The following CR2 variants were observed in gnomAD, a reference collection of about 807,000 sequenced individuals.
The protein encoded by CR2 is complement C3d receptor 2.
Under a neutral mutation model 123.0 loss-of-function variants are expected in CR2, and 96 were observed. That is an observed-to-expected ratio of 0.78 (90% CI 0.66 to 0.93). The LOEUF (loss-of-function observed/expected upper bound fraction) is 0.93. Ranked by LOEUF, CR2 falls within the 40% of genes least tolerant of loss-of-function variation. The pLI, the probability that CR2 is intolerant of heterozygous loss-of-function variation, is 0.00. For synonymous variants in CR2, 484 were observed against 469.5 expected, an observed-to-expected ratio of 1.03 and a Z score of -0.40; for missense variants, 1,258 against 1,361.0, an observed-to-expected ratio of 0.92 and a Z score of 1.19.
At chr1:207,455,011 T>C (rs1292261880) in intron 1 of CR2, 1 of 153,424 alleles carries the variant, frequency 6.5e-6, no homozygotes, top group Non-Finnish European at 1.5e-5. Context: ...AATGTGATAT[T>C]GGTAGAGATC....
chr1:207,454,516 CG>C lies in CR2; in HGVS notation c.58+43del. ...GGAGCACGGAGGTGGGGACGCGTCC[CG>C]GGCAGGGAAAGTTTCTGTGCCGCGA... On this transcript the variant is annotated intron_variant, in intron 1 of 19. Transcript: ENST00000367057. The surrounding 1 kb of genome is among the most constrained non-coding windows in gnomAD (Gnocchi z 4.3). 6.9e-7 allele frequency: 1 copy of C among 1,443,222 alleles called. No homozygotes were observed. The highest frequency in any genetic ancestry group is 1.3e-5 in the South Asian group (1 of 77,016). 89.4% of individuals were successfully genotyped at this position (1,443,222 alleles called of 1,614,324 possible). A position where few individuals can be genotyped will look rare whatever the true frequency, so the allele number is the denominator to read the frequency against.
chr1:207,474,428 C>T, intron 13 of CR2, 105 bp downstream of exon 13: 1 of 857,708 alleles, frequency 1.2e-6, no homozygotes, highest in East Asian at 2.5e-5. Context: ...AGGCGTCTCC[C>T]TCATTGGAGG....
intron 1 of CR2, among the ~76,000 whole-genome samples, chr1:207,465,527 A>G (rs1267973592): frequency 6.6e-6 from 1 of 152,224 alleles, no homozygotes; most frequent in Non-Finnish European, 1.5e-5. Context: ...AGTTGAGTAT[A>G]TATTATACTG....
At chr1:207,459,321 G>GTTT (rs11398940) in intron 1 of CR2, among the ~76,000 whole-genome samples, 1 of 144,658 alleles carries the variant, frequency 6.9e-6, no homozygotes, top group Non-Finnish European at 1.5e-5. Context: ...GTTTTTTGTT[G>GTTT]TTTTTTTTTT....
intron 18 of CR2, among the ~76,000 whole-genome samples, chr1:207,482,371 A>G (rs1295991892): frequency 3.9e-5 from 6 of 152,174 alleles, no homozygotes; most frequent in Admixed American, 3.9e-4. Flanking sequence ...GGATGTCAGC[A>G]ATTTGCTGTA....
At chr1:207,458,059 A>AACAC (rs59735642) in intron 1 of CR2, among the ~76,000 whole-genome samples, 12,508 of 122,542 alleles carry the variant, frequency 0.1, 769 homozygotes, top group Non-Finnish European at 0.13. Flanking sequence ...TCAAGGCCAC[A>AACAC]ACACACACAC....
Position 207,476,279 on chromosome 1 carries a change from A to G in CR2, c.2762A>G (p.His921Arg), listed in dbSNP as rs1265612154. The change falls in exon 15 of 20, where the codon CAT becomes CGT. Residue 921 changes from histidine to arginine, a missense_variant. Physicochemically the swap from His to Arg is conservative, Grantham distance 29. Coordinates refer to ENST00000367057, the MANE Select transcript of CR2 (RefSeq NM_001006658.3). ...PPPPKTPNGN[H>R]TGGNIARFSP... ...CCGCCTAAGACCCCTAACGGGAACC[A>G]TACTGGTGGAAACATAGCTCGATTT... is the stretch of plus-strand genomic sequence containing the variant. 1 of 1,613,974 alleles carries G rather than the reference A, an allele frequency of 6.2e-7. No homozygotes were observed. Among genetic ancestry groups the G allele is most frequent in the Non-Finnish European group, 8.5e-7 (1 of 1,179,890 alleles).
chr1:207,454,354 T>TC lies in CR2; in HGVS notation c.-62dup. On this transcript the variant is annotated 5_prime_UTR_variant, in exon 1 of 20. Coordinates refer to ENST00000367057, the MANE Select transcript of CR2 (RefSeq NM_001006658.3). The surrounding 1 kb of genome is among the most constrained non-coding windows in gnomAD (Gnocchi z 4.3). ...GCTGCTTGCTGCTCCAGCCTTGCCC[T>TC]CCCAGAGCTGCCGGACGCTCGCGGG... 1 of 1,418,796 alleles carries TC rather than the reference T, an allele frequency of 7.0e-7. No individual in the cohort carries two copies. Among genetic ancestry groups the TC allele is most frequent in the Non-Finnish European group, 9.6e-7 (1 of 1,037,638 alleles). The allele number at this position is 1,418,796 out of a possible 1,614,324, so 87.9% of individuals were successfully genotyped here. A position where few individuals can be genotyped will look rare whatever the true frequency, so the allele number is the denominator to read the frequency against.
Position 207,454,760 on chromosome 1 carries a change from C to A in CR2, c.58+284C>A. 1 of 379,710 alleles carries A rather than the reference C, an allele frequency of 2.6e-6. No homozygotes were observed. Among genetic ancestry groups the A allele is most frequent in the East Asian group, 4.4e-5 (1 of 22,636 alleles). The allele number at this position is 379,710 out of a possible 1,614,324, so 23.5% of individuals were successfully genotyped here. A position where few individuals can be genotyped will look rare whatever the true frequency, so the allele number is the denominator to read the frequency against. On this transcript the variant is annotated intron_variant, in intron 1 of 19. Coordinates refer to ENST00000367057, the MANE Select transcript of CR2 (RefSeq NM_001006658.3). The surrounding 1 kb of genome is among the most constrained non-coding windows in gnomAD (Gnocchi z 4.3). ...GGCGGCGTGCGGGTGCTCGCGGTCT[C>A]CTGCCGGGCTCCCCGCCCCCAGGAT...
intron 1 of CR2, among the ~76,000 whole-genome samples, 165 bp from the exon 2 acceptor site, chr1:207,466,361 T>C (rs1658097036): frequency 6.6e-6 from 1 of 152,222 alleles, no homozygotes; most frequent in Admixed American, 6.5e-5. Flanking sequence ...AAGAAAAAGG[T>C]AAGAATTTAG....
chr1:207,458,802 C>T lies in CR2; in HGVS notation c.58+4326C>T, dbSNP rs1657900206. ...ATGTTCAGCACCTTCTTATTTATTTCCTGGTATCTATTTACAGTCTGTCTC... is the reference window on the plus strand; with the variant it reads ...ATGTTCAGCACCTTCTTATTTATTTTCTGGTATCTATTTACAGTCTGTCTC... On this transcript the variant is annotated intron_variant, in intron 1 of 19. Transcript: ENST00000367057. Among the ~76,000 whole-genome samples the T allele has an allele frequency of 2.6e-5, 4 of 152,130 alleles. No individual in the cohort carries two copies. The South Asian group carries it at 8.3e-4, about 32-fold the overall frequency.
chr1:207,471,653 T>G (rs1558192033), intron 9 of CR2, among the ~76,000 whole-genome samples, 154 bp downstream of exon 9: 1 of 152,232 alleles, frequency 6.6e-6, no homozygotes, highest in Non-Finnish European at 1.5e-5. Flanking sequence ...TTACCATGTC[T>G]TTCTTTTGCT....
chr1:207,482,038 G>A (rs115810764), intron 18 of CR2, among the ~76,000 whole-genome samples: 407 of 152,004 alleles, frequency 2.7e-3, no homozygotes, highest in Non-Finnish European at 4.8e-3. Flanking sequence ...TAATATTAGG[G>A]AATATTGGCA....
chr1:207,480,318 C>T (rs949568422), intron 18 of CR2, among the ~76,000 whole-genome samples: 42 of 152,210 alleles, frequency 2.8e-4, no homozygotes, highest in Middle Eastern at 3.4e-3. Context: ...CCAGTGGGAA[C>T]GACTGCAAAT....
intron 19 of CR2, among the ~76,000 whole-genome samples, chr1:207,486,701 A>AT (rs1245995064): frequency 2.6e-5 from 4 of 152,210 alleles, no homozygotes; most frequent in Non-Finnish European, 5.9e-5. Context: ...TCTGCATGCA[A>AT]TTTTAAGACA....
intron 2 of CR2, among the ~76,000 whole-genome samples, chr1:207,467,720 A>G (rs1387506792): frequency 5.3e-5 from 8 of 152,228 alleles, no homozygotes; most frequent in Non-Finnish European, 1.2e-4. Flanking sequence ...GATCTTAACG[A>G]TAGTTACAAA....
At chr1:207,470,604 G>T in intron 6 of CR2, 136 bp from the exon 7 acceptor site, 2 of 814,944 alleles carry the variant, frequency 2.5e-6, no homozygotes, top group East Asian at 2.6e-5. Flanking sequence ...CCCAAAGCTG[G>T]TCTGCAACAT....
At chr1:207,464,976 G>T (rs1658057636) in intron 1 of CR2, among the ~76,000 whole-genome samples, 1 of 152,150 alleles carries the variant, frequency 6.6e-6, no homozygotes, top group Non-Finnish European at 1.5e-5. Flanking sequence ...AGTCGCCCAG[G>T]CTGGAGTGCA....
chr1:207,456,879 G>C (rs1406750229), intron 1 of CR2, among the ~76,000 whole-genome samples: 8 of 152,136 alleles, frequency 5.3e-5, no homozygotes, highest in Admixed American at 6.5e-5. Context: ...AGCCACACTG[G>C]CCTTCTCTTT....
Sources: gnomAD v4.1 joint callset for allele counts (sites outside exome capture counted in the v4.1 genomes callset) on GRCh38, gnomAD v4.1.1 for gene constraint, Gnocchi (gnomAD v3.1) non-coding constraint, MANE v1.5 for transcripts, NCBI Gene and HGNC (gene_info 2026-07-23, HGNC 2026-07-21) for gene names.